The following PIBF1 variants were observed in gnomAD, a reference collection of about 807,000 sequenced individuals.
PIBF1 encodes the protein progesterone immunomodulatory binding factor 1, also known as progesterone-induced-blocking factor 1.
PIBF1 carries 90 observed loss-of-function variants against 112.5 expected under a neutral mutation model. That is an observed-to-expected ratio of 0.80 (90% CI 0.67 to 0.95). The LOEUF (loss-of-function observed/expected upper bound fraction) is 0.95, where lower values mean the gene tolerates loss of function less well. PIBF1 is among the 40% of genes least tolerant of loss of function. The pLI, the probability that PIBF1 is intolerant of heterozygous loss-of-function variation, is 0.00. For missense variants in PIBF1, 915 were observed against 852.3 expected (o/e 1.07, Z -0.92); for synonymous variants, 301 against 288.6 (o/e 1.04, Z -0.44).
chr13:72,843,569 G>T (rs1459364787), intron 9 of PIBF1, among the ~76,000 whole-genome samples: 4 of 152,176 alleles, frequency 2.6e-5, no homozygotes, highest in Non-Finnish European at 5.9e-5. Flanking sequence ...GTGCCACTAT[G>T]CCCAGCTAAT....
intron 17 of PIBF1, among the ~76,000 whole-genome samples, chr13:73,007,170 G>A (rs1049052977): frequency 1.5e-4 from 22 of 151,664 alleles, no homozygotes; most frequent in African/African-American, 5.3e-4. Context: ...GTCAAATTTT[G>A]TCATATAAAG....
chr13:72,897,990 C>G (rs1217214270), intron 11 of PIBF1, among the ~76,000 whole-genome samples: 2 of 152,142 alleles, frequency 1.3e-5, no homozygotes, highest in African/African-American at 4.8e-5. Flanking sequence ...AACATTTCAT[C>G]GAACAACTGC....
intron 14 of PIBF1, among the ~76,000 whole-genome samples, chr13:72,941,762 A>G (rs553808401): frequency 6.6e-6 from 1 of 152,348 alleles, no homozygotes; most frequent in East Asian, 1.9e-4. Flanking sequence ...TAACTTTGAA[A>G]GAAATTTATA....
At chr13:72,817,667 T>C (rs2036340950) in intron 5 of PIBF1, among the ~76,000 whole-genome samples, 1 of 152,068 alleles carries the variant, frequency 6.6e-6, no homozygotes, top group African/African-American at 2.4e-5. Flanking sequence ...TGTGAAAAAA[T>C]AGGATAAACT....
intron 6 of PIBF1, among the ~76,000 whole-genome samples, chr13:72,822,618 G>A (rs2036607046): frequency 6.6e-6 from 1 of 152,132 alleles, no homozygotes; most frequent in East Asian, 1.9e-4. Context: ...TACTGCATAT[G>A]TAATATAAAT....
Position 72,965,329 on chromosome 13 carries a change from T to C in PIBF1, c.1889T>C (p.Ile630Thr), listed in dbSNP as rs781481309. 9 of 1,609,890 alleles carry C rather than the reference T, an allele frequency of 5.6e-6. No individual in the cohort carries two copies. The highest frequency in any genetic ancestry group is 5.3e-5 in the African/African-American group (4 of 74,866). ...ACTCAACAGCCTTACAGGTATCTCA[T>C]TGAATCAGTGCGTCAGAGAGATTCT... ...NQTQQPYRYL[I>T]ESVRQRDSKI... Residue 630 changes from isoleucine to threonine, a missense_variant, in exon 15 of 18, where the codon ATT becomes ACT. Physicochemically the swap from Ile to Thr is moderately conservative, Grantham distance 89. Transcript: ENST00000326291.
At chr13:72,843,596 G>A (rs1333647259) in intron 9 of PIBF1, among the ~76,000 whole-genome samples, 1 of 152,208 alleles carries the variant, frequency 6.6e-6, no homozygotes, top group African/African-American at 2.4e-5. Flanking sequence ...ACTTTTAGTA[G>A]AGACGGGGTT....
chr13:72,962,596 C>CA (rs56918554), intron 14 of PIBF1, among the ~76,000 whole-genome samples: 33,702 of 132,808 alleles, frequency 0.25, 4,681 homozygotes, highest in African/African-American at 0.42. Context: ...GTCCCTGTCT[C>CA]AAAAAAAAAA....
At position 72,821,871 on chromosome 13, in the gene PIBF1, A is replaced by G; in HGVS notation, c.695A>G (p.Asn232Ser). The G allele has an allele frequency of 1.2e-6, 2 of 1,612,236 alleles. No individual in the cohort carries two copies. Among genetic ancestry groups the G allele is most frequent in the Admixed American group, 3.3e-5 (2 of 59,764 alleles). The change falls in exon 6 of 18, where the codon AAC becomes AGC. Residue 232 changes from asparagine to serine, a missense_variant. By Grantham distance (46) the Asn-to-Ser change is conservative. Coordinates refer to ENST00000326291, the MANE Select transcript of PIBF1 (RefSeq NM_006346.4). Reference sequence around the variant, plus strand: ...TAGACATATGAGGAAGATCGAAAAAACTACTCTGAAGTTCAAATTAGATGT... The same window carrying G: ...TAGACATATGAGGAAGATCGAAAAAGCTACTCTGAAGTTCAAATTAGATGT... The part of the protein sequence containing the change: ...LTETYEEDRK[N>S]YSEVQIRCQR...
intron 15 of PIBF1, among the ~76,000 whole-genome samples, chr13:72,972,043 TA>T (rs1456225765): frequency 7.9e-5 from 12 of 151,058 alleles, no homozygotes; most frequent in East Asian, 3.9e-4. Flanking sequence ...TTTATTTATT[TA>T]TTTATTTTTT....
At chr13:72,868,521 T>A (rs1209359766) in intron 10 of PIBF1, among the ~76,000 whole-genome samples, 1 of 152,154 alleles carries the variant, frequency 6.6e-6, no homozygotes, top group Non-Finnish European at 1.5e-5. Flanking sequence ...ATAAATAACC[T>A]GTCATTTATA....
intron 15 of PIBF1, among the ~76,000 whole-genome samples, chr13:72,972,003 C>T (rs977602472): frequency 7.2e-5 from 10 of 138,740 alleles, no homozygotes; most frequent in African/African-American, 1.3e-4. Context: ...TAGTGGCTTT[C>T]ATTTATTTAT....
At chr13:72,831,354 G>T (rs2037102445) in intron 8 of PIBF1, among the ~76,000 whole-genome samples, 1 of 152,134 alleles carries the variant, frequency 6.6e-6, no homozygotes, top group Admixed American at 6.5e-5. Context: ...TAATTTTGAT[G>T]TTAGGGTGTC....
chr13:72,849,074 A>G (rs1010075078), intron 9 of PIBF1, among the ~76,000 whole-genome samples: 3 of 152,216 alleles, frequency 2.0e-5, no homozygotes, highest in African/African-American at 7.2e-5. Flanking sequence ...TATTTATTTA[A>G]GATTTATTTT....
At chr13:72,892,215 A>G (rs1169439500) in intron 10 of PIBF1, among the ~76,000 whole-genome samples, 2 of 152,182 alleles carry the variant, frequency 1.3e-5, no homozygotes, top group Non-Finnish European at 2.9e-5. Context: ...TTGTTTTTCT[A>G]TATAAAAAGG....
At chr13:72,893,975 C>A (rs375888680) in intron 11 of PIBF1, 26 bp downstream of exon 11, 1 of 1,272,782 alleles carries the variant, frequency 7.9e-7, no homozygotes, top group Non-Finnish European at 1.0e-6. Context: ...TTTCTTTCAA[C>A]ATTAGCATGG....
intron 14 of PIBF1, among the ~76,000 whole-genome samples, chr13:72,963,440 G>T (rs2042658147): frequency 6.6e-6 from 1 of 151,730 alleles, no homozygotes; most frequent in Admixed American, 6.6e-5. Flanking sequence ...CTAAAAATAT[G>T]AAAATTAGCC....
chr13:72,855,547 G>T (rs546907604), intron 10 of PIBF1, among the ~76,000 whole-genome samples: 4 of 152,120 alleles, frequency 2.6e-5, no homozygotes, highest in South Asian at 2.1e-4. Flanking sequence ...TACTCAGAAG[G>T]CTGAGGCACG....
In PIBF1 at chr13:73,016,104, T is replaced by C. The variant is rs921237888; in HGVS notation, c.*185T>C. 4.1e-5 allele frequency: 10 copies of C among 244,178 alleles called. No homozygotes were observed. The highest frequency in any genetic ancestry group is 2.3e-4 in the African/African-American group (10 of 44,348). The allele number at this position is 244,178 out of a possible 1,614,324, so 15.1% of individuals were successfully genotyped here. The stretch of plus-strand genomic sequence containing the variant: ...TAAAGAACAATCAATATACTTTATT[T>C]TTTTTTCTATTTTATAAAATAAATA... On this transcript the variant is annotated 3_prime_UTR_variant, in exon 18 of 18. Transcript: ENST00000326291.
Sources: gnomAD v4.1 joint callset for allele counts (sites outside exome capture counted in the v4.1 genomes callset) on GRCh38, gnomAD v4.1.1 for gene constraint, MANE v1.5 for transcripts, NCBI Gene and HGNC (gene_info 2026-07-23, HGNC 2026-07-21) for gene names.